Variants in LMNTD1 observed in about 807,000 individuals in gnomAD.
LMNTD1 encodes the protein lamin tail domain-containing protein 1.
In LMNTD1, 35 loss-of-function variants were observed where a neutral mutation model predicts 50.9. The observed-to-expected ratio is 0.69, with a 90% confidence interval of 0.53 to 0.91. The LOEUF (loss-of-function observed/expected upper bound fraction) is 0.91. Among genes scored for constraint, LMNTD1 ranks in the 40% least tolerant of loss-of-function variants. The pLI, the probability that LMNTD1 is intolerant of heterozygous loss-of-function variation, is 0.00. For synonymous variants in LMNTD1, 153 were observed against 161.9 expected (o/e 0.94, Z 0.42); for missense variants, 470 against 475.5 (o/e 0.99, Z 0.11).
chr12:25,514,070 G>A (rs991155808), intron 8 of LMNTD1, among the ~76,000 whole-genome samples: 1 of 152,118 alleles, frequency 6.6e-6, no homozygotes, highest in Non-Finnish European at 1.5e-5. Flanking sequence ...TTCTTGTAAA[G>A]AGGAGTAAAA....
At chr12:25,602,259 ATTTTCTTTC>A (rs1212493077) in intron 1 of LMNTD1, among the ~76,000 whole-genome samples, 2 of 151,464 alleles carry the variant, frequency 1.3e-5, no homozygotes, top group South Asian at 2.1e-4. Context: ...CTAAATTTTT[ATTTTCTTTC>A]TTTTCTTTCT....
At chr12:25,558,189 T>C (rs1944119762), upstream of LMNTD1, among the ~76,000 whole-genome samples, 1 of 152,248 alleles carries the variant, frequency 6.6e-6, no homozygotes, top group Admixed American at 6.5e-5. Flanking sequence ...TTAGTCTGGC[T>C]AAAGGTTTGT....
At chr12:25,492,642 A>G (rs956918527) in intron 9 of LMNTD1, among the ~76,000 whole-genome samples, 4 of 152,228 alleles carry the variant, frequency 2.6e-5, no homozygotes, top group Non-Finnish European at 4.4e-5. Context: ...TAGAAATGCT[A>G]TGATCCATAT....
At chr12:25,586,247 C>T (rs1945521726) in intron 1 of LMNTD1, 1 of 151,610 alleles carries the variant, frequency 6.6e-6, no homozygotes, top group African/African-American at 2.4e-5. Context: ...ATGATGATAC[C>T]TCTACCTACT....
At position 25,518,845 on chromosome 12, in the gene LMNTD1, C is replaced by G; in HGVS notation, c.1139G>C (p.Arg380Thr). Residue 380 changes from arginine to threonine, a missense_variant, in exon 8 of 10, where the codon AGA becomes ACA. Arg to Thr is a moderately conservative substitution (Grantham distance 71). Transcript: ENST00000458174. ...EPHNTSTAGG[R>T]LDRQPRTRST... The stretch of plus-strand genomic sequence containing the variant: ...CCGAGTCCTGGGCTGTCTATCCAAT[C>G]TGCCTCCAGCGGTGGATGTATTGTG... 2 of 1,614,174 alleles carry G rather than the reference C, an allele frequency of 1.2e-6. No individual in the cohort carries two copies. Among genetic ancestry groups the G allele is most frequent in the Non-Finnish European group, 8.5e-7 (1 of 1,180,028 alleles).
At chr12:25,503,554 T>C (rs927674658) in intron 9 of LMNTD1, among the ~76,000 whole-genome samples, 184 bp downstream of exon 9, 2 of 152,166 alleles carry the variant, frequency 1.3e-5, no homozygotes, top group African/African-American at 4.8e-5. Context: ...AGAAAGCTTA[T>C]CATTCAACAT....
intron 1 of LMNTD1, among the ~76,000 whole-genome samples, chr12:25,560,152 C>T (rs1944239371): frequency 6.6e-6 from 1 of 152,190 alleles, no homozygotes; most frequent in Admixed American, 6.5e-5. Context: ...CCTAGGTTTT[C>T]TTCTAGGGAT....
intron 1 of LMNTD1, among the ~76,000 whole-genome samples, chr12:25,606,667 T>C (rs190618045): frequency 0.024 from 3,708 of 152,352 alleles, 80 homozygotes; most frequent in Non-Finnish European, 0.033. Context: ...CAGCCTTGCA[T>C]CCCAGGAATG....
At chr12:25,647,257 T>C (rs1947093034) in intron 1 of LMNTD1, among the ~76,000 whole-genome samples, 2 of 152,260 alleles carry the variant, frequency 1.3e-5, no homozygotes, top group South Asian at 4.2e-4. Context: ...CCAAGGCAGG[T>C]GGATTGCTTT....
At chr12:25,642,285 G>T (rs1004744096) in intron 1 of LMNTD1, among the ~76,000 whole-genome samples, 1 of 152,176 alleles carries the variant, frequency 6.6e-6, no homozygotes, top group African/African-American at 2.4e-5. Flanking sequence ...GGAACCTTCG[G>T]AGGGTAATTA....
At chr12:25,570,231 T>C (rs981551671) in intron 1 of LMNTD1, among the ~76,000 whole-genome samples, 2 of 152,204 alleles carry the variant, frequency 1.3e-5, no homozygotes, top group Non-Finnish European at 2.9e-5. Context: ...GATGAAACTA[T>C]AGTAGCTGCG....
chr12:25,603,018 G>C (rs1946013097), intron 1 of LMNTD1, among the ~76,000 whole-genome samples: 1 of 152,020 alleles, frequency 6.6e-6, no homozygotes, highest in Non-Finnish European at 1.5e-5. Context: ...AGACTATAAA[G>C]TTCAGGAAGA....
chr12:25,618,559 T>A (rs998962414), intron 1 of LMNTD1, among the ~76,000 whole-genome samples: 3 of 152,096 alleles, frequency 2.0e-5, no homozygotes, highest in African/African-American at 7.2e-5. Context: ...GGGAGTGATT[T>A]TATAATTCTC....
At chr12:25,600,953 A>G (rs1945955020) in intron 1 of LMNTD1, among the ~76,000 whole-genome samples, 1 of 151,822 alleles carries the variant, frequency 6.6e-6, no homozygotes, top group African/African-American at 2.4e-5. Context: ...GCTGAGTATA[A>G]GCCCAAAAGA....
At chr12:25,576,647 G>T (rs1363840273) in intron 1 of LMNTD1, among the ~76,000 whole-genome samples, 1 of 152,146 alleles carries the variant, frequency 6.6e-6, no homozygotes, top group Non-Finnish European at 1.5e-5. Context: ...TAAGTTGCCT[G>T]TTCACTCTGA....
intron 1 of LMNTD1, among the ~76,000 whole-genome samples, chr12:25,584,677 T>C (rs1421800093): frequency 2.0e-5 from 3 of 152,248 alleles, no homozygotes; most frequent in Non-Finnish European, 4.4e-5. Context: ...ATGATTCCTT[T>C]TAAAATACAA....
upstream of LMNTD1, among the ~76,000 whole-genome samples, chr12:25,555,343 A>G (rs1565475860): frequency 2.0e-5 from 3 of 152,202 alleles, no homozygotes; most frequent in Non-Finnish European, 4.4e-5. Flanking sequence ...CAATAATACC[A>G]TCAGCAGCAA....
intron 1 of LMNTD1, among the ~76,000 whole-genome samples, chr12:25,623,111 T>G (rs1253701689): frequency 6.6e-6 from 1 of 152,064 alleles, no homozygotes; most frequent in Non-Finnish European, 1.5e-5. Context: ...TTTTTTAATG[T>G]GGCAGTCTGA....
intron 9 of LMNTD1, among the ~76,000 whole-genome samples, chr12:25,502,257 T>C (rs1939438518): frequency 2.0e-5 from 3 of 151,898 alleles, no homozygotes; most frequent in Admixed American, 2.0e-4. Context: ...TACAATAAAA[T>C]GTCCCCTTTC....
Sources: gnomAD v4.1 joint callset for allele counts (sites outside exome capture counted in the v4.1 genomes callset) on GRCh38, gnomAD v4.1.1 for gene constraint, MANE v1.5 for transcripts, NCBI Gene and HGNC (gene_info 2026-07-23, HGNC 2026-07-21) for gene names.